The following WDPCP variants were observed in gnomAD, a reference collection of about 807,000 sequenced individuals.
WDPCP encodes WD repeat-containing and planar cell polarity effector protein fritz homolog.
Under a neutral mutation model 93.1 loss-of-function variants are expected in WDPCP, and 71 were observed. The ratio of observed to expected loss-of-function variants is 0.76; its 90% confidence interval spans 0.63 to 0.93. WDPCP has a LOEUF of 0.93. WDPCP is among the 40% of genes least tolerant of loss of function. The pLI, the probability that WDPCP is intolerant of heterozygous loss-of-function variation, is 0.00. For missense variants in WDPCP, 844 were observed against 887.4 expected (o/e 0.95, Z 0.62); for synonymous variants, 315 against 315.0 (o/e 1.00, Z 0.00).
At chr2:63,585,835 CTT>C (rs11309831) in intron 1 of WDPCP, among the ~76,000 whole-genome samples, 1,562 of 103,102 alleles carry the variant, frequency 0.015, 17 homozygotes, top group African/African-American at 0.04. Flanking sequence ...AAATAATTTT[CTT>C]TTTTTTTTTT....
At chr2:63,604,752 A>G (rs201960609) in intron 3 of WDPCP, 9 of 1,614,202 alleles carry the variant, frequency 5.6e-6, no homozygotes, top group Middle Eastern at 3.3e-4. Flanking sequence ...TTATCTGGGG[A>G]AACCATTCCT....
chr2:63,322,733 G>C (rs751847224), intron 12 of WDPCP, among the ~76,000 whole-genome samples: 20 of 152,136 alleles, frequency 1.3e-4, no homozygotes, highest in Non-Finnish European at 2.6e-4. Flanking sequence ...AAGTCACCGA[G>C]ACCAAGAACC....
intron 1 of WDPCP, among the ~76,000 whole-genome samples, chr2:63,580,304 A>C (rs893548799): frequency 1.2e-4 from 18 of 152,186 alleles, no homozygotes; most frequent in Admixed American, 1.0e-3. Context: ...AAGTGCTAAA[A>C]CTATGAGTAA....
At chr2:63,688,920 T>A (rs1668851568) in intron 2 of WDPCP, among the ~76,000 whole-genome samples, 1 of 152,170 alleles carries the variant, frequency 6.6e-6, no homozygotes, top group Non-Finnish European at 1.5e-5. Flanking sequence ...GGATCAGCTA[T>A]CTCAGGAGTT....
intron 12 of WDPCP, among the ~76,000 whole-genome samples, chr2:63,327,990 T>C (rs1687690471): frequency 6.6e-6 from 1 of 152,048 alleles, no homozygotes; most frequent in African/African-American, 2.4e-5. Context: ...CGGCAGGAAA[T>C]AGCTAGAGCA....
intron 15 of WDPCP, among the ~76,000 whole-genome samples, chr2:63,171,481 T>A (rs1309222916): frequency 6.6e-6 from 1 of 152,170 alleles, no homozygotes; most frequent in Non-Finnish European, 1.5e-5. Flanking sequence ...TACAATTAGA[T>A]ACCATTCTTC....
At chr2:63,141,550 T>C (rs1671063317) in intron 17 of WDPCP, among the ~76,000 whole-genome samples, 1 of 152,240 alleles carries the variant, frequency 6.6e-6, no homozygotes, top group Admixed American at 6.5e-5. Flanking sequence ...TTAACATCAA[T>C]GTTCATCAAG....
intron 17 of WDPCP, among the ~76,000 whole-genome samples, chr2:63,134,344 A>G (rs1486872516): frequency 6.6e-6 from 1 of 152,216 alleles, no homozygotes; most frequent in Middle Eastern, 3.2e-3. Flanking sequence ...TCCTGCTCCA[A>G]TATAATAGAT....
chr2:63,529,042 T>C (rs557275627), intron 1 of WDPCP, among the ~76,000 whole-genome samples: 1 of 152,336 alleles, frequency 6.6e-6, no homozygotes, highest in South Asian at 2.1e-4. Flanking sequence ...TAAGAATGAC[T>C]GTGATTTTTG....
chr2:63,243,171 G>A lies in WDPCP; in HGVS notation c.1915+16136C>T, dbSNP rs112627499. ...AGAAATGACACAATATAAAAATACA[G>A]TCTTATTTAAGGGAAAACTTATTGA... On this transcript the variant is annotated intron_variant, in intron 14 of 17. Coordinates refer to ENST00000272321, the MANE Select transcript of WDPCP (RefSeq NM_015910.7). 4.4e-4 allele frequency among the ~76,000 whole-genome samples: 67 copies of A among 152,120 alleles called. 1 individual carries two copies. Among genetic ancestry groups the A allele is most frequent in the Non-Finnish European group, 5.9e-5 (4 of 68,020 alleles).
chr2:63,241,390 G>T (rs185925462), intron 14 of WDPCP, among the ~76,000 whole-genome samples: 1 of 152,160 alleles, frequency 6.6e-6, no homozygotes, highest in Admixed American at 6.5e-5. Context: ...ATAATATAAC[G>T]CACCCTGTAA....
At chr2:63,799,471 T>C (rs1055080971) in intron 2 of WDPCP, among the ~76,000 whole-genome samples, 2 of 152,202 alleles carry the variant, frequency 1.3e-5, no homozygotes, top group African/African-American at 4.8e-5. Context: ...TTGACTTCAG[T>C]CTTTCCTTAA....
At chr2:63,201,268 G>T (rs1553558060) in intron 14 of WDPCP, among the ~76,000 whole-genome samples, 1 of 152,088 alleles carries the variant, frequency 6.6e-6, no homozygotes, top group Non-Finnish European at 1.5e-5. Flanking sequence ...CCCCAGCCAT[G>T]CTTCCTGTAC....
intron 2 of WDPCP, among the ~76,000 whole-genome samples, chr2:63,673,511 G>C (rs1338480853): frequency 6.6e-6 from 1 of 152,106 alleles, no homozygotes; most frequent in Non-Finnish European, 1.5e-5. Context: ...CCATCAGGCA[G>C]GAATGGCCTG....
intron 13 of WDPCP, among the ~76,000 whole-genome samples, chr2:63,312,411 T>C (rs546678186): frequency 1.3e-5 from 2 of 152,320 alleles, no homozygotes; most frequent in African/African-American, 4.8e-5. Context: ...GTGACAACAA[T>C]GAAATTGCTG....
chr2:63,675,186 G>GCCAAGC (rs1480467446), intron 2 of WDPCP, among the ~76,000 whole-genome samples: 1 of 152,058 alleles, frequency 6.6e-6, no homozygotes, highest in African/African-American at 2.4e-5. Context: ...GTGAGACTCT[G>GCCAAGC]CCAAGCCCCT....
chr2:63,553,647 C>A (rs1705851963), intron 1 of WDPCP, among the ~76,000 whole-genome samples: 2 of 151,598 alleles, frequency 1.3e-5, no homozygotes, highest in Admixed American at 1.3e-4. Context: ...AAAAAAAAAA[C>A]TTTTTTCTTG....
intron 12 of WDPCP, chr2:63,369,259 A>C (rs928784661): frequency 2.8e-6 from 1 of 356,854 alleles, no homozygotes; most frequent in Non-Finnish European, 5.5e-6. Context: ...TACTTAATAC[A>C]GTGAATATAG....
intron 7 of WDPCP, 87 bp downstream of exon 7, chr2:63,439,670 T>A (rs144462752): frequency 0.018 from 21,000 of 1,154,338 alleles, 252 homozygotes; most frequent in Non-Finnish European, 0.022. Context: ...AAGTCCCCAG[T>A]GGTAATAATT....
Sources: gnomAD v4.1 joint callset for allele counts (sites outside exome capture counted in the v4.1 genomes callset) on GRCh38, gnomAD v4.1.1 for gene constraint, MANE v1.5 for transcripts, NCBI Gene and HGNC (gene_info 2026-07-23, HGNC 2026-07-21) for gene names.